Variants in MORN3 observed in about 807,000 individuals in gnomAD.
MORN3 encodes the protein MORN repeat-containing protein 3.
In MORN3, 38 loss-of-function variants were observed where a neutral mutation model predicts 34.7. The observed-to-expected ratio is 1.10, with a 90% CI of 0.85 to 1.44. The LOEUF is 1.44. Ranked by LOEUF, MORN3 falls within the 40% of genes most tolerant of loss-of-function variation. The probability of loss-of-function intolerance (pLI) is 0.00; values close to 1 mark genes in which losing one functional copy is unlikely to be tolerated. For missense variants in MORN3, 311 were observed against 321.7 expected, an observed-to-expected ratio of 0.97 and a Z score of 0.25; for synonymous variants, 109 against 115.3, an observed-to-expected ratio of 0.95 and a Z score of 0.35.
At chr12:121,668,713 T>G (rs1325527457) in intron 1 of MORN3, among the ~76,000 whole-genome samples, 5 of 152,056 alleles carry the variant, frequency 3.3e-5, no homozygotes, top group Admixed American at 2.6e-4. Context: ...GAGCAAGACC[T>G]TGTCCCCTCA....
chr12:121,659,135 G>GCACACACA, intron 2 of MORN3, 56 bp downstream of exon 2: 1 of 1,283,256 alleles, frequency 7.8e-7, no homozygotes, highest in Non-Finnish European at 1.1e-6. Context: ...ACACACACGC[G>GCACACACA]CGCACACACA....
rs1057316119 is a variant in MORN3 at position 121,661,844 on chromosome 12, C to T, written c.146-2496G>A. The stretch of plus-strand genomic sequence containing the variant: ...TGAGCTGAGATGGCGCCACTGCACT[C>T]CAGCTTGGGCGACAGAGTGAGACTG... On this transcript the variant is annotated intron_variant, in intron 1 of 5. Coordinates refer to ENST00000355329, the MANE Select transcript of MORN3 (RefSeq NM_173855.5). Among the ~76,000 whole-genome samples, 16 of 151,222 alleles carry T rather than the reference C, an allele frequency of 1.1e-4. No individual in the cohort carries two copies. In the South Asian group the frequency reaches 3.3e-3, roughly 32 times the overall value.
chr12:121,669,582 G>A lies in MORN3; in HGVS notation c.-99C>T, dbSNP rs1358902237. 2.6e-6 allele frequency: 4 copies of A among 1,521,616 alleles called. No homozygotes were observed. In the African/African-American group the frequency reaches 4.1e-5, roughly 16 times the overall value. 94.3% of individuals were successfully genotyped at this position (1,521,616 alleles called of 1,614,324 possible). ...AATGCCGGGATCCTGAGCTCAAGTG[G>A]GGAGAGTCATGTGTGTTCTGAGTCC... On this transcript the variant is annotated 5_prime_UTR_variant, in exon 1 of 6. Transcript: ENST00000355329.
At chr12:121,656,137 T>C (rs576778936) in intron 2 of MORN3, among the ~76,000 whole-genome samples, 3 of 152,280 alleles carry the variant, frequency 2.0e-5, no homozygotes, top group Non-Finnish European at 4.4e-5. Context: ...CTCCTCAAAA[T>C]CCTGATTTCC....
At chr12:121,654,693 G>A (rs370660455) in intron 2 of MORN3, among the ~76,000 whole-genome samples, 188 of 152,062 alleles carry the variant, frequency 1.2e-3, no homozygotes, top group African/African-American at 4.3e-3. Context: ...CGTCCCCCGG[G>A]TTCAAGTGAT....
intron 1 of MORN3, among the ~76,000 whole-genome samples, chr12:121,663,800 TTTG>T (rs1316949570): frequency 6.6e-6 from 1 of 151,978 alleles, no homozygotes; most frequent in Non-Finnish European, 1.5e-5. Context: ...CATGGGAGCC[TTTG>T]TTATTATTTT....
intron 3 of MORN3, among the ~76,000 whole-genome samples, chr12:121,653,556 G>A (rs1294766676): frequency 2.6e-5 from 4 of 152,198 alleles, no homozygotes; most frequent in African/African-American, 9.6e-5. Flanking sequence ...AGTGAGCTGA[G>A]ATTGCCCCAC....
intron 5 of MORN3, among the ~76,000 whole-genome samples, chr12:121,651,957 T>C (rs1381669613): frequency 6.6e-6 from 1 of 152,114 alleles, no homozygotes; most frequent in African/African-American, 2.4e-5. Context: ...TGTTTGTTTG[T>C]TTTTTGAGAC....
intron 1 of MORN3, among the ~76,000 whole-genome samples, chr12:121,664,073 G>A (rs938631506): frequency 6.6e-6 from 1 of 152,162 alleles, no homozygotes; most frequent in African/African-American, 2.4e-5. Flanking sequence ...GAGACTCCGT[G>A]TAAGTCCATT....
At chr12:121,659,426 G>A in intron 1 of MORN3, 78 bp from the exon 2 acceptor site, 1 of 1,537,222 alleles carries the variant, frequency 6.5e-7, no homozygotes, top group Admixed American at 1.8e-5. Flanking sequence ...GAGCCTCAGG[G>A]GCCCCCAACT....
At chr12:121,658,790 C>T (rs1342474655) in intron 2 of MORN3, among the ~76,000 whole-genome samples, 6 of 152,030 alleles carry the variant, frequency 3.9e-5, no homozygotes, top group African/African-American at 1.4e-4. Context: ...TCTCCTGTCC[C>T]CTGCTCTCTT....
chr12:121,657,953 A>G (rs1893458235), intron 2 of MORN3, among the ~76,000 whole-genome samples: 1 of 151,310 alleles, frequency 6.6e-6, no homozygotes, highest in Admixed American at 6.6e-5. Context: ...TCTCTATTGC[A>G]ATTCCCGTCT....
At chr12:121,665,096 A>C (rs1893701457) in intron 1 of MORN3, among the ~76,000 whole-genome samples, 1 of 151,644 alleles carries the variant, frequency 6.6e-6, no homozygotes, top group Non-Finnish European at 1.5e-5. Flanking sequence ...CCAAGGTAGC[A>C]GGGGCCTGTT....
chr12:121,668,640 G>A (rs1252286393), intron 1 of MORN3, among the ~76,000 whole-genome samples: 1 of 152,080 alleles, frequency 6.6e-6, no homozygotes, highest in East Asian at 1.9e-4. Flanking sequence ...CTTGAGCCCA[G>A]GATCTCGAGG....
At chr12:121,663,834 T>C (rs1893660019) in intron 1 of MORN3, among the ~76,000 whole-genome samples, 1 of 152,038 alleles carries the variant, frequency 6.6e-6, no homozygotes, top group South Asian at 2.1e-4. Flanking sequence ...GAGCCCATGG[T>C]CTGGTAGGGC....
At chr12:121,671,773 G>A (rs1003797260), upstream of MORN3, among the ~76,000 whole-genome samples, 2 of 151,906 alleles carry the variant, frequency 1.3e-5, no homozygotes, top group African/African-American at 2.4e-5. Context: ...CCAGCTACTC[G>A]GGAGGCTGAG....
At chr12:121,658,598 T>C (rs1893483541) in intron 2 of MORN3, among the ~76,000 whole-genome samples, 1 of 150,116 alleles carries the variant, frequency 6.7e-6, no homozygotes, top group Admixed American at 6.7e-5. Flanking sequence ...GTTTTAAATA[T>C]GTGTTTCAGG....
upstream of MORN3, among the ~76,000 whole-genome samples, chr12:121,670,383 A>C (rs751917403): frequency 6.6e-6 from 1 of 152,210 alleles, no homozygotes; most frequent in Non-Finnish European, 1.5e-5. Context: ...TATGTAAATT[A>C]ACTCACTTGG....
At chr12:121,660,670 CT>C (rs780680002) in intron 1 of MORN3, among the ~76,000 whole-genome samples, 299 of 120,618 alleles carry the variant, frequency 2.5e-3, no homozygotes, top group Non-Finnish European at 2.6e-3. Context: ...TTCTTTCTTT[CT>C]TTTTTTTTTT....
Sources: allele counts gnomAD v4.1 joint callset (sites outside exome capture counted in the v4.1 genomes callset), GRCh38; gene constraint gnomAD v4.1.1; transcripts MANE v1.5; gene names NCBI Gene and HGNC (gene_info 2026-07-23, HGNC 2026-07-21).